SLC24A2: variants seen among roughly 807,000 people sequenced by gnomAD.
The protein encoded by SLC24A2 is solute carrier family 24 member 2, also known as sodium/potassium/calcium exchanger 2.
SLC24A2 carries 36 observed loss-of-function variants against 62.0 expected under a neutral mutation model. That is an observed-to-expected ratio of 0.58 (90% CI 0.44 to 0.77). SLC24A2 has a LOEUF of 0.77. Ranked by LOEUF, SLC24A2 falls within the 30% of genes least tolerant of loss-of-function variation. The probability of loss-of-function intolerance (pLI) is 0.00; values close to 1 mark genes in which losing one functional copy is unlikely to be tolerated. For synonymous variants in SLC24A2, 358 were observed against 294.0 expected (o/e 1.22, Z -2.23); for missense variants, 846 against 817.9 (o/e 1.03, Z -0.42).
At chr9:19,680,539 G>A (rs181405275) in intron 2 of SLC24A2, among the ~76,000 whole-genome samples, 1 of 151,764 alleles carries the variant, frequency 6.6e-6, no homozygotes, top group African/African-American at 2.4e-5. Flanking sequence ...CATTAAAATG[G>A]CTGTTAACAA....
At chr9:19,836,751 C>T in the SLC24A2 span, among the ~76,000 whole-genome samples, 1 of 152,126 alleles carries the variant, frequency 6.6e-6, no homozygotes, top group African/African-American at 2.4e-5. Flanking sequence ...ATCCTGATAC[C>T]AAAGCCTGGC....
the SLC24A2 span, among the ~76,000 whole-genome samples, chr9:20,034,548 A>AC: frequency 7.8e-6 from 1 of 128,550 alleles, no homozygotes; most frequent in African/African-American, 3.0e-5. Context: ...CAAGCTCTGC[A>AC]CCCCCCACCC....
rs1004439338 is a variant in SLC24A2 at position 19,599,848 on chromosome 9, C to T, written c.1079-2569G>A. On this transcript the variant is annotated intron_variant, in intron 4 of 10. Transcript: ENST00000341998. The surrounding 1 kb of genome is among the most constrained non-coding windows in gnomAD (Gnocchi z 4.5). ...GCAAGACCTAGTCTTGCTGAGAGGA[C>T]CCGGGAGGCGCTCACCGGCATAGGA... Among the ~76,000 whole-genome samples the T allele has an allele frequency of 2.0e-5, 3 of 152,088 alleles. No individual in the cohort carries two copies. Among genetic ancestry groups the T allele is most frequent in the African/African-American group, 7.2e-5 (3 of 41,410 alleles).
chr9:20,111,570 C>T, the SLC24A2 span, among the ~76,000 whole-genome samples: 1 of 152,158 alleles, frequency 6.6e-6, no homozygotes, highest in East Asian at 1.9e-4. Flanking sequence ...ATCCTTTCTT[C>T]TCATGGAGCA....
chr9:19,798,282 T>C, the SLC24A2 span, among the ~76,000 whole-genome samples: 1 of 152,202 alleles, frequency 6.6e-6, no homozygotes. Flanking sequence ...GTAGTATTGA[T>C]TTGTTGCTAA....
At chr9:19,719,097 G>C (rs1000715171) in intron 2 of SLC24A2, among the ~76,000 whole-genome samples, 1 of 152,118 alleles carries the variant, frequency 6.6e-6, no homozygotes, top group African/African-American at 2.4e-5. Context: ...GGCTCCTGAG[G>C]AATCTTCCTT....
the SLC24A2 span, among the ~76,000 whole-genome samples, chr9:20,071,727 C>G: frequency 9.2e-5 from 14 of 152,136 alleles, no homozygotes. Context: ...GAATCCAACA[C>G]TATCTCTGGA....
chr9:19,555,055 G>C (rs1028193370), intron 7 of SLC24A2, among the ~76,000 whole-genome samples: 18 of 152,242 alleles, frequency 1.2e-4, no homozygotes, highest in African/African-American at 4.1e-4. Context: ...GTGTCAAAAT[G>C]CAGGACTTAA....
chr9:20,005,513 G>C, the SLC24A2 span, among the ~76,000 whole-genome samples: 1 of 151,994 alleles, frequency 6.6e-6, no homozygotes, highest in African/African-American at 2.4e-5. Flanking sequence ...TCTTGCTTAA[G>C]ATCACAAAGT....
the SLC24A2 span, among the ~76,000 whole-genome samples, chr9:20,222,802 A>G: frequency 6.6e-6 from 1 of 152,132 alleles, no homozygotes; most frequent in African/African-American, 2.4e-5. Flanking sequence ...GCTGCCAACT[A>G]GAATTATAAA....
chr9:20,191,171 T>A, the SLC24A2 span, among the ~76,000 whole-genome samples: 3 of 152,150 alleles, frequency 2.0e-5, no homozygotes, highest in Non-Finnish European at 4.4e-5. Context: ...CTTTTTTTTT[T>A]TTTTGCAGGA....
At chr9:19,962,154 T>C in the SLC24A2 span, among the ~76,000 whole-genome samples, 1 of 152,186 alleles carries the variant, frequency 6.6e-6, no homozygotes, top group Non-Finnish European at 1.5e-5. Flanking sequence ...GCTCATTATG[T>C]GTTGGGCAGT....
At chr9:20,070,331 A>T in the SLC24A2 span, among the ~76,000 whole-genome samples, 1 of 152,190 alleles carries the variant, frequency 6.6e-6, no homozygotes, top group Non-Finnish European at 1.5e-5. Context: ...TCTGAGATGC[A>T]CTAAGATTCT....
At chr9:19,777,189 G>T (rs1299752897) in intron 2 of SLC24A2, among the ~76,000 whole-genome samples, 1 of 152,112 alleles carries the variant, frequency 6.6e-6, no homozygotes, top group Non-Finnish European at 1.5e-5. Context: ...CTTTAAAATT[G>T]ACACAAAGGA....
At chr9:20,256,902 A>G in the SLC24A2 span, among the ~76,000 whole-genome samples, 2 of 147,608 alleles carry the variant, frequency 1.4e-5, no homozygotes, top group Non-Finnish European at 3.0e-5. Flanking sequence ...GAAAAAAACA[A>G]TAATAAAACT....
Position 19,690,041 on chromosome 9 carries a change from C to T in SLC24A2, c.931-67742G>A, listed in dbSNP as rs552457748. 1.3e-3 allele frequency among the ~76,000 whole-genome samples: 197 copies of T among 152,260 alleles called. 2 individuals carry two copies. The highest frequency in any genetic ancestry group is 4.4e-3 in the African/African-American group (183 of 41,556). Reference sequence around the variant, plus strand: ...TTCTTAGGCTTTTCGAATTTCCAGACAGACACCAGCTTTTCTGGCTCTACA... The same window carrying T: ...TTCTTAGGCTTTTCGAATTTCCAGATAGACACCAGCTTTTCTGGCTCTACA... On this transcript the variant is annotated intron_variant, in intron 2 of 10. Coordinates refer to ENST00000341998, the MANE Select transcript of SLC24A2 (RefSeq NM_020344.4).
At chr9:19,878,317 T>TAGTAGG in the SLC24A2 span, among the ~76,000 whole-genome samples, 1 of 152,160 alleles carries the variant, frequency 6.6e-6, no homozygotes, top group Non-Finnish European at 1.5e-5. Flanking sequence ...GCAGGTTTCC[T>TAGTAGG]AGTAGGAGTA....
the SLC24A2 span, among the ~76,000 whole-genome samples, chr9:20,100,855 C>A: frequency 6.6e-6 from 1 of 152,056 alleles, no homozygotes; most frequent in African/African-American, 2.4e-5. Flanking sequence ...ACTACCTGAC[C>A]CCCTGGCCCT....
the SLC24A2 span, among the ~76,000 whole-genome samples, chr9:19,947,730 G>T: frequency 6.9e-6 from 1 of 145,402 alleles, no homozygotes; most frequent in Non-Finnish European, 1.5e-5. Context: ...GGCAGAGCTT[G>T]CAGTGAGCTG....
Sources: allele counts gnomAD v4.1 joint callset (sites outside exome capture counted in the v4.1 genomes callset), GRCh38; gene constraint gnomAD v4.1.1; non-coding constraint Gnocchi (gnomAD v3.1); transcripts MANE v1.5; gene names NCBI Gene and HGNC (gene_info 2026-07-23, HGNC 2026-07-21).